Variants in MIDEAS observed in about 807,000 individuals in gnomAD.
The protein encoded by MIDEAS is mitotic deacetylase associated SANT domain protein, also known as mitotic deacetylase-associated SANT domain protein.
A neutral mutation model predicts 102.7 loss-of-function variants in MIDEAS; 26 were observed. The ratio of observed to expected loss-of-function variants is 0.25; its 90% CI spans 0.19 to 0.35. The LOEUF (loss-of-function observed/expected upper bound fraction) is 0.35. Among genes scored for constraint, MIDEAS ranks in the 10% least tolerant of loss-of-function variants. The pLI is 1.00. For synonymous variants in MIDEAS, 585 were observed against 591.0 expected (o/e 0.99, Z 0.15); for missense variants, 1,231 against 1,435.6 (o/e 0.86, Z 2.30).
Position 73,759,998 on chromosome 14 carries a change from T to A in MIDEAS, c.-483A>T, listed in dbSNP as rs374543665. 4.6e-5 allele frequency: 7 copies of A among 151,778 alleles called. No individual in the cohort carries two copies. In the East Asian group the frequency reaches 1.4e-3, roughly 30 times the overall value. 9.4% of individuals were successfully genotyped at this position (151,778 alleles called of 1,614,324 possible). A position where few individuals can be genotyped will look rare whatever the true frequency, so the allele number is the denominator to read the frequency against. On this transcript the variant is annotated 5_prime_UTR_variant, in exon 1 of 13. The change creates a premature stop within an existing upstream ORF in the 5' untranslated region. Coordinates refer to ENST00000423556, the MANE Select transcript of MIDEAS (RefSeq NM_001367710.1). This position sits in a 1 kb window ranked among gnomAD's most constrained non-coding sequence, Gnocchi z 6.7. ...GACGCGCGGGCTGTCACCCCCCGCTTGCGATGCAGGAGCCTCGGCGCGCCC... is the reference window on the plus strand; with the variant it reads ...GACGCGCGGGCTGTCACCCCCCGCTAGCGATGCAGGAGCCTCGGCGCGCCC...
chr14:73,727,952 G>A (rs2053086737), intron 4 of MIDEAS: 1 of 157,386 alleles, frequency 6.4e-6, no homozygotes, highest in South Asian at 1.9e-4. Flanking sequence ...GTGGTGAAGG[G>A]GATCGCTGTT....
At chr14:73,781,706 C>G (rs1341888048) in intron 1 of MIDEAS, among the ~76,000 whole-genome samples, 2 of 118,350 alleles carry the variant, frequency 1.7e-5, no homozygotes, top group Non-Finnish European at 3.2e-5. Flanking sequence ...TGCACTCCAG[C>G]CTGGGCAACA....
At chr14:73,720,320 C>T (rs962577767) in intron 11 of MIDEAS, among the ~76,000 whole-genome samples, 3 of 148,350 alleles carry the variant, frequency 2.0e-5, no homozygotes, top group Admixed American at 6.8e-5. Flanking sequence ...CTCACTGCAA[C>T]CTCCGCCTCC....
intron 1 of MIDEAS, among the ~76,000 whole-genome samples, chr14:73,741,402 T>C (rs1044096657): frequency 2.0e-5 from 3 of 152,094 alleles, no homozygotes; most frequent in African/African-American, 7.2e-5. Flanking sequence ...GGGAGCTACA[T>C]AGCCCACCTC....
At chr14:73,732,103 G>T (rs2053146408) in intron 3 of MIDEAS, among the ~76,000 whole-genome samples, 1 of 152,186 alleles carries the variant, frequency 6.6e-6, no homozygotes, top group South Asian at 2.1e-4. Flanking sequence ...CTGTGGAGCT[G>T]CTCAGGCTCC....
intron 1 of MIDEAS, among the ~76,000 whole-genome samples, chr14:73,748,865 T>C (rs1469624159): frequency 6.6e-6 from 1 of 151,930 alleles, no homozygotes; most frequent in East Asian, 1.9e-4. Flanking sequence ...TGTCCGTCCC[T>C]CAGGAGGCTA....
rs1027409137 is a variant in MIDEAS at position 73,716,905 on chromosome 14, C to A, written c.*1938G>T. On this transcript the variant is annotated 3_prime_UTR_variant, in exon 13 of 13. Coordinates refer to ENST00000423556, the MANE Select transcript of MIDEAS (RefSeq NM_001367710.1). ...ATTGTACAAGTAATTTCGAAGAGAG[C>A]CTAAATTTGCTACCCCCCTGCTTCT... 6.6e-6 allele frequency: 1 copy of A among 152,584 alleles called. No individual in the cohort carries two copies. Among genetic ancestry groups the A allele is most frequent in the Admixed American group, 6.5e-5 (1 of 15,280 alleles). The allele number at this position is 152,584 out of a possible 1,614,324, so 9.5% of individuals were successfully genotyped here. A position where few individuals can be genotyped will look rare whatever the true frequency, so the allele number is the denominator to read the frequency against.
At chr14:73,784,309 C>T (rs1169080563) in intron 1 of MIDEAS, among the ~76,000 whole-genome samples, 2 of 152,330 alleles carry the variant, frequency 1.3e-5, no homozygotes, top group East Asian at 3.9e-4. Flanking sequence ...CTCTGTGTAA[C>T]AACTTCGGGG....
chr14:73,785,732 T>A (rs2053801465), intron 1 of MIDEAS, among the ~76,000 whole-genome samples: 1 of 152,006 alleles, frequency 6.6e-6, no homozygotes, highest in Admixed American at 6.6e-5. Flanking sequence ...CATCCCACAT[T>A]TTCTCCGGAG....
intron 4 of MIDEAS, chr14:73,727,830 A>G (rs1169198819): frequency 3.3e-6 from 1 of 299,602 alleles, no homozygotes; most frequent in African/African-American, 2.2e-5. Flanking sequence ...GATTATTATT[A>G]CTGCTTCTAC....
At position 73,759,371 on chromosome 14, in the gene MIDEAS, A is replaced by T. The variant is rs1308020289; in HGVS notation, c.-248+392T>A. 2.0e-5 allele frequency among the ~76,000 whole-genome samples: 3 copies of T among 151,756 alleles called. No individual in the cohort carries two copies. The highest frequency in any genetic ancestry group is 7.3e-5 in the African/African-American group (3 of 41,310). On this transcript the variant is annotated intron_variant, in intron 1 of 12. Coordinates refer to ENST00000423556, the MANE Select transcript of MIDEAS (RefSeq NM_001367710.1). This position sits in a 1 kb window ranked among gnomAD's most constrained non-coding sequence, Gnocchi z 6.7. The stretch of plus-strand genomic sequence containing the variant: ...CCACGTTTCTCTCCAGCGGAGGAGG[A>T]GCAGCCGGATTCCCGAGCCGCCGCG...
Position 73,718,813 on chromosome 14 carries a change from C to T in MIDEAS, c.*30G>A, listed in dbSNP as rs1386941376. ...GGCGGCGGTGCGGGAAGGGCCGAGG[C>T]CCAGGACTGGGCCAGCCTGGCTCCC... On this transcript the variant is annotated 3_prime_UTR_variant, in exon 13 of 13. Transcript: ENST00000423556. The T allele has an allele frequency of 7.2e-7, 1 of 1,397,626 alleles. No homozygotes were observed. Among genetic ancestry groups the T allele is most frequent in the Non-Finnish European group, 9.2e-7 (1 of 1,084,772 alleles). The allele number at this position is 1,397,626 out of a possible 1,614,324, so 86.6% of individuals were successfully genotyped here.
intron 1 of MIDEAS, among the ~76,000 whole-genome samples, chr14:73,772,821 G>GTGTGTGTGTA (rs1555345953): frequency 2.8e-5 from 4 of 143,900 alleles, no homozygotes; most frequent in Admixed American, 1.4e-4. Context: ...GTGTGTGTGT[G>GTGTGTGTGTA]TGTGTGTGTG....
chr14:73,765,853 T>C (rs1186022657), intron 1 of MIDEAS, among the ~76,000 whole-genome samples: 1 of 152,210 alleles, frequency 6.6e-6, no homozygotes, highest in Non-Finnish European at 1.5e-5. Context: ...TGTATACTGT[T>C]GGAGCCCCAG....
At chr14:73,780,515 G>A (rs1455936319) in intron 1 of MIDEAS, among the ~76,000 whole-genome samples, 2 of 152,240 alleles carry the variant, frequency 1.3e-5, no homozygotes, top group Non-Finnish European at 2.9e-5. Flanking sequence ...GCATGGGTAT[G>A]ACCTATCTCA....
intron 1 of MIDEAS, among the ~76,000 whole-genome samples, chr14:73,786,075 T>C (rs986623759): frequency 1.3e-5 from 2 of 152,214 alleles, no homozygotes; most frequent in Non-Finnish European, 2.9e-5. Flanking sequence ...AAGCTGCTGC[T>C]AGGAACTGCA....
chr14:73,739,222 CCTGCTG>C lies in MIDEAS; in HGVS notation c.781_786del (p.Gln261_Gln262del), dbSNP rs752957541. The stretch of plus-strand genomic sequence containing the variant: ...AAGAGCGGCATCTGGGGTAGGGCTG[CCTGCTG>C]CTGCTGCTGCTGCTGCTGTGGTTGC... On this transcript the variant is annotated inframe_deletion, in exon 2 of 13. Transcript: ENST00000423556. 8.1e-6 allele frequency: 13 copies of C among 1,607,606 alleles called. No individual in the cohort carries two copies. Among genetic ancestry groups the C allele is most frequent in the Non-Finnish European group, 1.1e-5 (13 of 1,177,538 alleles).
At chr14:73,778,937 C>T (rs2053718472) in intron 1 of MIDEAS, among the ~76,000 whole-genome samples, 1 of 151,964 alleles carries the variant, frequency 6.6e-6, no homozygotes, top group African/African-American at 2.4e-5. Context: ...TCATGAGACA[C>T]AGGACAATGG....
rs576308577 is a variant in MIDEAS at position 73,753,904 on chromosome 14, G to A, written c.-248+5859C>T. The stretch of plus-strand genomic sequence containing the variant: ...GGGTATTTCCCAGATAATACCGGCA[G>A]AGCTTCCAGGCCCAAAGGATGAGCC... On this transcript the variant is annotated intron_variant, in intron 1 of 12. Transcript: ENST00000423556. Among the ~76,000 whole-genome samples the A allele has an allele frequency of 4.6e-5, 7 of 151,534 alleles. 1 individual carries two copies. The highest frequency in any genetic ancestry group is 4.6e-4 in the Admixed American group (7 of 15,172).
Sources: gnomAD v4.1 joint callset for allele counts (sites outside exome capture counted in the v4.1 genomes callset) on GRCh38, gnomAD v4.1.1 for gene constraint, Gnocchi (gnomAD v3.1) non-coding constraint, MANE v1.5 for transcripts, NCBI Gene and HGNC (gene_info 2026-07-23, HGNC 2026-07-21) for gene names.